FAM186A: variants seen among roughly 807,000 people sequenced by gnomAD.
FAM186A encodes protein FAM186A.
FAM186A carries 163 observed loss-of-function variants against 216.8 expected under a neutral mutation model. That is an observed-to-expected ratio of 0.75 (90% CI 0.66 to 0.86). The LOEUF is 0.86. Among genes scored for constraint, FAM186A ranks in the 40% least tolerant of loss-of-function variants. The pLI is 0.00. For synonymous variants in FAM186A, 805 were observed against 1,025.3 expected (o/e 0.79, Z 4.10); for missense variants, 2,184 against 2,746.2 (o/e 0.80, Z 4.58).
chr12:50,343,170 A>G (rs945692562), intron 4 of FAM186A, among the ~76,000 whole-genome samples: 18 of 151,932 alleles, frequency 1.2e-4, no homozygotes, highest in Non-Finnish European at 2.6e-4. Flanking sequence ...TACAGTGATC[A>G]CGCCACTGCA....
At chr12:50,393,470 A>G (rs1351096421) in intron 1 of FAM186A, among the ~76,000 whole-genome samples, 1 of 151,350 alleles carries the variant, frequency 6.6e-6, no homozygotes, top group African/African-American at 2.4e-5. Context: ...TGAGCCTGGG[A>G]GGCGGAGGTT....
chr12:50,363,573 T>C (rs1943057869), intron 1 of FAM186A, among the ~76,000 whole-genome samples: 1 of 152,186 alleles, frequency 6.6e-6, no homozygotes, highest in Non-Finnish European at 1.5e-5. Context: ...TATGATATAA[T>C]GGAAAGAGCA....
intron 4 of FAM186A, among the ~76,000 whole-genome samples, chr12:50,338,050 G>A (rs1187683354): frequency 2.6e-5 from 4 of 151,996 alleles, no homozygotes; most frequent in East Asian, 1.9e-4. Context: ...TCCCACTTAC[G>A]TTGATAAAAC....
intron 1 of FAM186A, among the ~76,000 whole-genome samples, chr12:50,377,852 AAAAG>A (rs1334533192): frequency 2.0e-5 from 3 of 150,692 alleles, no homozygotes; most frequent in Non-Finnish European, 4.4e-5. Context: ...AAAAAACAAG[AAAAG>A]AAAGAAAGTA....
Position 50,396,307 on chromosome 12 carries a change from G to A in FAM186A, c.178C>T (p.His60Tyr). The A allele has an allele frequency of 6.5e-7, 1 of 1,538,922 alleles. No homozygotes were observed. The highest frequency in any genetic ancestry group is 2.5e-5 in the East Asian group (1 of 40,766). The part of the protein sequence containing the change: ...IISRIERAQL[H>Y]RAREDIDMQL... ...TCACTACCTACCTCTCTGGCTCGAT[G>A]GAGCTGTGCGCGCTCAATCCTAGAG... The change falls in exon 1 of 8, where the codon CAT (histidine) becomes TAT (tyrosine). Residue 60 changes from histidine (H) to tyrosine (Y), a missense_variant. Around this residue, in one of 7 missense-constraint regions of FAM186A, gnomAD observed 1,132 missense variants for 1,263.4 expected, o/e 0.90. Coordinates refer to ENST00000327337, the MANE Select transcript of FAM186A (RefSeq NM_001145475.3).
chr12:50,368,410 A>G (rs949759054), intron 1 of FAM186A, among the ~76,000 whole-genome samples: 1 of 151,930 alleles, frequency 6.6e-6, no homozygotes, highest in Non-Finnish European at 1.5e-5. Context: ...AAAAATAAAT[A>G]AATAAATATT....
chr12:50,372,994 GGAATGAAAGAAA>G (rs745413829), intron 1 of FAM186A, among the ~76,000 whole-genome samples: 5,323 of 59,010 alleles, frequency 0.09, 421 homozygotes, highest in East Asian at 0.12. Flanking sequence ...AAGGAAGGAA[GGAATGAAAGAAA>G]GAAAGAAAGA....
chr12:50,338,507 A>G (rs1942733098), intron 4 of FAM186A, among the ~76,000 whole-genome samples: 1 of 152,158 alleles, frequency 6.6e-6, no homozygotes, highest in South Asian at 2.1e-4. Flanking sequence ...GGCCTCAACC[A>G]TTATTTGAAG....
chr12:50,355,060 A>G lies in FAM186A; in HGVS notation c.1772T>C (p.Met591Thr). The G allele has an allele frequency of 1.3e-6, 2 of 1,551,648 alleles. No individual in the cohort carries two copies. Among genetic ancestry groups the G allele is most frequent in the South Asian group, 2.4e-5 (2 of 84,058 alleles). Residue 591 changes from methionine (M) to threonine (T), a missense_variant, in exon 4 of 8, where the codon ATG becomes ACG. Coordinates refer to ENST00000327337, the MANE Select transcript of FAM186A (RefSeq NM_001145475.3). ...EIRSLVEPLSMIQFDDTAEPQ... is the reference protein window; with the variant it reads ...EIRSLVEPLSTIQFDDTAEPQ... ...CTCAGCAGTATCATCAAATTGGATC[A>G]TACTGAGTGGCTCCACTAGGCTTCT...
intron 4 of FAM186A, among the ~76,000 whole-genome samples, 199 bp downstream of exon 4, chr12:50,350,130 C>T (rs7295847): frequency 0.65 from 98,041 of 151,888 alleles, 32,134 homozygotes; most frequent in East Asian, 0.74. Context: ...AAATGGATCA[C>T]GTTATATGTC....
rs116668054 is a variant in FAM186A at position 50,393,882 on chromosome 12, G to A, written c.192+2411C>T. Among the ~76,000 whole-genome samples, 1,222 of 152,270 alleles carry A rather than the reference G, an allele frequency of 8.0e-3. 19 individuals are homozygous for A. The highest frequency in any genetic ancestry group is 0.028 in the African/African-American group (1,163 of 41,570). The stretch of plus-strand genomic sequence containing the variant: ...CTAGTTGCCAGAAGTTGGAACAGGA[G>A]AAAGTCTGTGTGAGGAGTGGGAATT... On this transcript the variant is annotated intron_variant, in intron 1 of 7. Transcript: ENST00000327337.
At chr12:50,388,819 GAAGCGAGCAGATC>G (rs1275186559) in intron 1 of FAM186A, among the ~76,000 whole-genome samples, 1 of 152,060 alleles carries the variant, frequency 6.6e-6, no homozygotes, top group Non-Finnish European at 1.5e-5. Context: ...TTGGGAGGTC[GAAGCGAGCAGATC>G]ACTTGAGATC....
intron 4 of FAM186A, among the ~76,000 whole-genome samples, chr12:50,345,751 C>G (rs1201955678): frequency 1.3e-5 from 2 of 151,924 alleles, no homozygotes; most frequent in African/African-American, 4.8e-5. Flanking sequence ...GTTACTGTAG[C>G]CTTATAGTAT....
chr12:50,395,741 A>G (rs896794661), intron 1 of FAM186A, among the ~76,000 whole-genome samples: 2 of 150,836 alleles, frequency 1.3e-5, no homozygotes, highest in Admixed American at 6.6e-5. Context: ...GTTTGATAAA[A>G]CCTCCATAGG....
intron 3 of FAM186A, among the ~76,000 whole-genome samples, chr12:50,357,194 T>A (rs1161495032): frequency 6.6e-6 from 1 of 152,120 alleles, no homozygotes; most frequent in Admixed American, 6.6e-5. Flanking sequence ...TTCAAAAGTG[T>A]CATAAATTAA....
At position 50,350,610 on chromosome 12, in the gene FAM186A, G is replaced by A. The variant is rs1261092529; in HGVS notation, c.6222C>T (p.Asp2074=). ...AAACTGAACTCAGTATCCAGGGCTT[G>A]TCTATAGGAGGGAATCGGGATTTCT... ...WYQKSRFPPI[D]KPWILSSVSD... is the part of the protein sequence containing the mutation. Residue 2074 remains aspartate (D), a synonymous_variant, in exon 4 of 8, where the codon GAC becomes GAT. Coordinates refer to ENST00000327337, the MANE Select transcript of FAM186A (RefSeq NM_001145475.3). 1.6e-5 allele frequency: 25 copies of A among 1,551,646 alleles called. No homozygotes were observed. Among genetic ancestry groups the A allele is most frequent in the Non-Finnish European group, 2.2e-5 (25 of 1,146,988 alleles).
intron 4 of FAM186A, among the ~76,000 whole-genome samples, chr12:50,348,874 C>A (rs1429483239): frequency 6.6e-6 from 1 of 151,890 alleles, no homozygotes; most frequent in Non-Finnish European, 1.5e-5. Flanking sequence ...GTTTGTTTTT[C>A]TTTTCATTAA....
In FAM186A at chr12:50,375,632, G is replaced by T. The variant is rs372440509; in HGVS notation, c.193-12268C>A. 4.0e-5 allele frequency among the ~76,000 whole-genome samples: 6 copies of T among 149,408 alleles called. No homozygotes were observed. In the East Asian group the frequency reaches 7.9e-4, roughly 20 times the overall value. On this transcript the variant is annotated intron_variant, in intron 1 of 7. Coordinates refer to ENST00000327337, the MANE Select transcript of FAM186A (RefSeq NM_001145475.3). ...ATCGGGAGGCTGAGGCAGGAGAATC[G>T]CCTGAACCTGGGAGGCAGAGATTGC...
At chr12:50,373,461 G>A (rs538846544) in intron 1 of FAM186A, among the ~76,000 whole-genome samples, 26 of 152,242 alleles carry the variant, frequency 1.7e-4, no homozygotes, top group African/African-American at 6.3e-4. Context: ...AAGTTGAAGA[G>A]GAAGGAGCAA....
Sources: allele counts gnomAD v4.1 joint callset (sites outside exome capture counted in the v4.1 genomes callset), GRCh38; gene constraint gnomAD v4.1.1; regional missense constraint gnomAD v4.1.1; transcripts MANE v1.5; gene names NCBI Gene and HGNC (gene_info 2026-07-23, HGNC 2026-07-21).